Variants in PLCXD3 observed in about 807,000 individuals in gnomAD.
The protein encoded by PLCXD3 is PI-PLC X domain-containing protein 3.
A neutral mutation model predicts 25.5 loss-of-function variants in PLCXD3; 19 were observed. The ratio of observed to expected loss-of-function variants is 0.75; its 90% CI spans 0.52 to 1.09. PLCXD3 has a LOEUF of 1.09. Ranked by LOEUF, PLCXD3 falls within the 50% of genes least tolerant of loss-of-function variation. PLCXD3 has a pLI of 0.00. For missense variants in PLCXD3, 411 were observed against 388.1 expected (o/e 1.06, Z -0.50); for synonymous variants, 174 against 137.6 (o/e 1.26, Z -1.85).
chr5:41,472,574 TA>T (rs1455122739), intron 1 of PLCXD3, among the ~76,000 whole-genome samples: 1 of 152,176 alleles, frequency 6.6e-6, no homozygotes, highest in African/African-American at 2.4e-5. Context: ...AGTAGGCACT[TA>T]AAAAATAATT....
At chr5:41,357,432 G>A (rs1744650799) in intron 2 of PLCXD3, among the ~76,000 whole-genome samples, 1 of 152,186 alleles carries the variant, frequency 6.6e-6, no homozygotes, top group Non-Finnish European at 1.5e-5. Context: ...CTCAGTTTCT[G>A]TTTGGAATAT....
intron 2 of PLCXD3, among the ~76,000 whole-genome samples, chr5:41,343,438 GA>G (rs980958884): frequency 2.0e-5 from 3 of 152,056 alleles, no homozygotes; most frequent in African/African-American, 7.2e-5. Flanking sequence ...TATTGAAAAT[GA>G]ATTACTAGTA....
At chr5:41,493,898 C>T (rs966965930) in intron 1 of PLCXD3, among the ~76,000 whole-genome samples, 3 of 152,230 alleles carry the variant, frequency 2.0e-5, no homozygotes, top group Non-Finnish European at 4.4e-5. Context: ...CTGAGTCAGA[C>T]AATGCCTCGC....
chr5:41,432,448 G>A (rs572703265), intron 1 of PLCXD3, among the ~76,000 whole-genome samples: 1 of 151,822 alleles, frequency 6.6e-6, no homozygotes, highest in Non-Finnish European at 1.5e-5. Flanking sequence ...AAAGTGGATG[G>A]GGGGATGGAG....
At chr5:41,390,562 G>T (rs971345262) in intron 1 of PLCXD3, among the ~76,000 whole-genome samples, 1 of 152,038 alleles carries the variant, frequency 6.6e-6, no homozygotes, top group Non-Finnish European at 1.5e-5. Flanking sequence ...GTTGTACACT[G>T]GTATCTCATA....
chr5:41,463,700 C>T (rs1747946046), intron 1 of PLCXD3, among the ~76,000 whole-genome samples: 2 of 151,974 alleles, frequency 1.3e-5, no homozygotes, highest in Non-Finnish European at 2.9e-5. Context: ...CACTAAATTA[C>T]CATAATATAA....
intron 1 of PLCXD3, among the ~76,000 whole-genome samples, chr5:41,472,805 G>A (rs972992131): frequency 2.6e-5 from 4 of 152,174 alleles, no homozygotes; most frequent in African/African-American, 7.2e-5. Flanking sequence ...GTTGACCAAC[G>A]AAAGAAAGAC....
intron 1 of PLCXD3, among the ~76,000 whole-genome samples, chr5:41,439,807 T>C (rs1239707161): frequency 3.3e-5 from 5 of 152,196 alleles, no homozygotes; most frequent in African/African-American, 9.6e-5. Flanking sequence ...TATCTCAAGA[T>C]TCTGTTGACT....
chr5:41,397,447 A>G (rs1298201112), intron 1 of PLCXD3, among the ~76,000 whole-genome samples: 1 of 152,146 alleles, frequency 6.6e-6, no homozygotes, highest in East Asian at 1.9e-4. Context: ...CTCTGCCTAG[A>G]TTTCAGAGGA....
At chr5:41,370,240 G>A (rs1745052638) in intron 2 of PLCXD3, among the ~76,000 whole-genome samples, 1 of 152,116 alleles carries the variant, frequency 6.6e-6, no homozygotes, top group Non-Finnish European at 1.5e-5. Context: ...AAGTTAATTA[G>A]CAATAGGCTA....
chr5:41,503,351 A>G (rs551909183), intron 1 of PLCXD3, among the ~76,000 whole-genome samples: 11 of 152,226 alleles, frequency 7.2e-5, no homozygotes, highest in African/African-American at 2.4e-4. Context: ...CATAAAAATT[A>G]ACTCACAGAA....
chr5:41,426,065 C>G (rs935239093), intron 1 of PLCXD3, among the ~76,000 whole-genome samples: 2 of 152,148 alleles, frequency 1.3e-5, no homozygotes, highest in African/African-American at 4.8e-5. Context: ...ATTTTACATT[C>G]CCACGAGCAA....
chr5:41,474,282 C>T (rs1282861740), intron 1 of PLCXD3, among the ~76,000 whole-genome samples: 1 of 152,128 alleles, frequency 6.6e-6, no homozygotes, highest in Non-Finnish European at 1.5e-5. Context: ...TTATTACTAA[C>T]AGGCTTCAGA....
chr5:41,375,173 A>G (rs730355), intron 2 of PLCXD3, among the ~76,000 whole-genome samples: 35,476 of 150,144 alleles, frequency 0.24, 4,716 homozygotes, highest in African/African-American at 0.35. Flanking sequence ...GAGAGAGAGA[A>G]AGAGAAAGAG....
chr5:41,388,819 C>T (rs369606730), intron 1 of PLCXD3, among the ~76,000 whole-genome samples: 62 of 151,988 alleles, frequency 4.1e-4, no homozygotes, highest in African/African-American at 1.4e-3. Context: ...TTCACTTTTA[C>T]TATTAACTAT....
At chr5:41,474,342 A>G (rs1748234405) in intron 1 of PLCXD3, among the ~76,000 whole-genome samples, 1 of 152,196 alleles carries the variant, frequency 6.6e-6, no homozygotes, top group Admixed American at 6.5e-5. Context: ...TGCCCTCTGC[A>G]TTCCTACTGG....
chr5:41,501,213 C>A (rs1748943301), intron 1 of PLCXD3, among the ~76,000 whole-genome samples: 1 of 151,858 alleles, frequency 6.6e-6, no homozygotes, highest in South Asian at 2.1e-4. Context: ...GGTATTTATC[C>A]AAAAGAAATG....
rs146343766 is a variant in PLCXD3 at position 41,382,338 on chromosome 5, G to A, written c.300C>T (p.Ser100=). 3.8e-5 allele frequency: 62 copies of A among 1,613,374 alleles called. No individual in the cohort carries two copies. The highest frequency in any genetic ancestry group is 5.2e-5 in the Non-Finnish European group (61 of 1,179,726). Residue 100 remains serine, a synonymous_variant, in exon 2 of 3, where the codon TCC becomes TCT. Transcript: ENST00000377801. ...AGIRYFDLRI[S]TKPRDPDNEL... ...CATTGTCGGGGTCTCTGGGCTTGGTGGAAATTCGAAGATCAAAATAACGAA... is the reference window on the plus strand; with the variant it reads ...CATTGTCGGGGTCTCTGGGCTTGGTAGAAATTCGAAGATCAAAATAACGAA...
At chr5:41,387,908 A>G (rs1185132433) in intron 1 of PLCXD3, among the ~76,000 whole-genome samples, 1 of 152,088 alleles carries the variant, frequency 6.6e-6, no homozygotes, top group African/African-American at 2.4e-5. Flanking sequence ...ATTGTGTAGC[A>G]TGGGGTAGAG....
Sources: gnomAD v4.1 joint callset for allele counts (sites outside exome capture counted in the v4.1 genomes callset) on GRCh38, gnomAD v4.1.1 for gene constraint, MANE v1.5 for transcripts, NCBI Gene and HGNC (gene_info 2026-07-23, HGNC 2026-07-21) for gene names.